TMEM217: variants seen among roughly 807,000 people sequenced by gnomAD.
The protein encoded by TMEM217 is transmembrane protein 217, also known as chromosome 6 open reading frame 128.
For synonymous variants in TMEM217, 76 were observed against 88.3 expected, an observed-to-expected ratio of 0.86 and a Z score of 0.78; for missense variants, 204 against 248.8, an observed-to-expected ratio of 0.82 and a Z score of 1.21.
rs183236616 is a variant in TMEM217, at chr6:37,257,697, C to T, written c.-141G>A. ...TCGGCTTCAGCGGCCTGCAGGATTC[C>T]GGCTCCCAATTGGTCGGCCCGTCCA... On this transcript the variant is annotated 5_prime_UTR_variant, in exon 1 of 2. Transcript: ENST00000357219. 3.1e-4 allele frequency: 171 copies of T among 543,562 alleles called. 2 individuals carry two copies. Among genetic ancestry groups the T allele is most frequent in the Middle Eastern group, 2.9e-3 (6 of 2,078 alleles). 33.7% of individuals were successfully genotyped at this position (543,562 alleles called of 1,614,324 possible).
intron 1 of TMEM217, among the ~76,000 whole-genome samples, chr6:37,231,810 T>C (rs1764221352): frequency 6.7e-6 from 1 of 150,090 alleles, no homozygotes; most frequent in Non-Finnish European, 1.5e-5. Flanking sequence ...TTTTTTTTTT[T>C]CAGGAAATGG....
At chr6:37,212,844 C>A, downstream of TMEM217, 1 of 1,199,770 alleles carries the variant, frequency 8.3e-7, no homozygotes, top group Non-Finnish European at 1.2e-6. Context: ...ACTTTGAGTC[C>A]ACGTAGATGC....
At chr6:37,253,531 T>A (rs1765563808) in intron 1 of TMEM217, among the ~76,000 whole-genome samples, 1 of 152,160 alleles carries the variant, frequency 6.6e-6, no homozygotes, top group Non-Finnish European at 1.5e-5. Flanking sequence ...GCTCTAACAG[T>A]GGTTGTTTAG....
At chr6:37,231,539 G>T (rs1030617083) in intron 1 of TMEM217, among the ~76,000 whole-genome samples, 1 of 150,356 alleles carries the variant, frequency 6.7e-6, no homozygotes. Flanking sequence ...CAGTCATGGT[G>T]GCGTGCACCT....
downstream of TMEM217, among the ~76,000 whole-genome samples, chr6:37,214,138 T>C (rs976976135): frequency 6.6e-6 from 1 of 152,358 alleles, no homozygotes; most frequent in South Asian, 2.1e-4. Flanking sequence ...TTCACCACTT[T>C]AGCCCTTTTT....
downstream of TMEM217, among the ~76,000 whole-genome samples, chr6:37,215,880 G>A (rs192671058): frequency 1.3e-5 from 2 of 152,262 alleles, no homozygotes; most frequent in Non-Finnish European, 2.9e-5. Flanking sequence ...AGTTTGCCTT[G>A]GCTTGAGCAG....
intron 1 of TMEM217, among the ~76,000 whole-genome samples, chr6:37,229,335 G>GTTTTGTTTT (rs1764040235): frequency 1.3e-5 from 1 of 74,368 alleles, no homozygotes; most frequent in Non-Finnish European, 2.3e-5. Context: ...GCAACTTTCA[G>GTTTTGTTTT]TTTTTTTTTT....
intron 1 of TMEM217, among the ~76,000 whole-genome samples, chr6:37,223,368 A>G (rs1763650082): frequency 6.6e-6 from 1 of 152,234 alleles, no homozygotes; most frequent in Non-Finnish European, 1.5e-5. Context: ...AAAGCAGCCA[A>G]TGGGCTTTTT....
At chr6:37,218,206 G>A (rs1763324649) in exon 2 of TMEM217, 1 of 1,249,094 alleles carries the variant, frequency 8.0e-7, no homozygotes, top group African/African-American at 1.6e-5. Flanking sequence ...GTCTTACTCT[G>A]TCACTCAGGC....
At chr6:37,236,285 G>A (rs1347129712) in intron 1 of TMEM217, among the ~76,000 whole-genome samples, 1 of 152,072 alleles carries the variant, frequency 6.6e-6, no homozygotes, top group African/African-American at 2.4e-5. Flanking sequence ...ACTGTGCCTG[G>A]CCATTTATTT....
intron 1 of TMEM217, among the ~76,000 whole-genome samples, chr6:37,222,186 A>T (rs542380431): frequency 1.2e-4 from 19 of 152,330 alleles, no homozygotes; most frequent in African/African-American, 4.6e-4. Context: ...AGGCTGGAAG[A>T]GGCACCACTT....
At chr6:37,245,823 G>T (rs553554639) in intron 1 of TMEM217, among the ~76,000 whole-genome samples, 135 of 151,308 alleles carry the variant, frequency 8.9e-4, no homozygotes, top group African/African-American at 2.7e-3. Context: ...TTTTGAGAGG[G>T]AGTTTTGCTC....
chr6:37,256,420 T>G (rs1452631073), intron 1 of TMEM217, among the ~76,000 whole-genome samples: 2 of 152,158 alleles, frequency 1.3e-5, no homozygotes. Context: ...TGCTGGTCAC[T>G]GCATCCTAAG....
At chr6:37,214,719 T>A (rs1763092457), downstream of TMEM217, among the ~76,000 whole-genome samples, 1 of 152,212 alleles carries the variant, frequency 6.6e-6, no homozygotes, top group African/African-American at 2.4e-5. Flanking sequence ...TCACTTAGCA[T>A]AATGTTTTCC....
At position 37,253,922 on chromosome 6, in the gene TMEM217, G is replaced by A. The variant is rs1481774176; in HGVS notation, c.-12+3646C>T. ...CTCTTTTGAGTCCACAGTCAACCCA[G>A]GCATATCTCATCCCTTAACTATACT... On this transcript the variant is annotated intron_variant, in intron 1 of 1. Coordinates refer to ENST00000357219, the Ensembl canonical transcript of TMEM217. Among the ~76,000 whole-genome samples, 4 of 152,242 alleles carry A rather than the reference G, an allele frequency of 2.6e-5. No individual in the cohort carries two copies. The South Asian group carries it at 8.3e-4, about 32-fold the overall frequency.
downstream of TMEM217, among the ~76,000 whole-genome samples, chr6:37,217,021 G>A (rs1467367407): frequency 1.3e-5 from 2 of 152,092 alleles, no homozygotes; most frequent in Non-Finnish European, 2.9e-5. Context: ...TAGCAGCAGT[G>A]GGTGACTCAC....
intron 1 of TMEM217, among the ~76,000 whole-genome samples, chr6:37,234,102 CTT>C (rs70977637): frequency 0.072 from 9,206 of 127,724 alleles, 872 homozygotes; most frequent in African/African-American, 0.24. Flanking sequence ...TATTAAATGC[CTT>C]TTTTTTTTTT....
chr6:37,225,187 G>A (rs565471520), intron 1 of TMEM217, among the ~76,000 whole-genome samples: 8 of 151,906 alleles, frequency 5.3e-5, no homozygotes, highest in African/African-American at 1.7e-4. Flanking sequence ...GTGACAGAGC[G>A]AGACTCTGAC....
At chr6:37,218,340 C>G (rs931656890) in exon 2 of TMEM217, 3 of 1,251,584 alleles carry the variant, frequency 2.4e-6, no homozygotes, top group African/African-American at 3.0e-5. Context: ...GGCTAATTTT[C>G]TATTTTTTTT....
Sources: allele counts gnomAD v4.1 joint callset (sites outside exome capture counted in the v4.1 genomes callset), GRCh38; gene constraint gnomAD v4.1.1; transcripts MANE v1.5; gene names NCBI Gene and HGNC (gene_info 2026-07-23, HGNC 2026-07-21).